HSDL2: variants seen among roughly 807,000 people sequenced by gnomAD.
HSDL2 encodes hydroxysteroid dehydrogenase-like protein 2.
Under a neutral mutation model 46.3 loss-of-function variants are expected in HSDL2, and 27 were observed. The observed-to-expected ratio is 0.58, with a 90% CI of 0.43 to 0.80. The LOEUF (loss-of-function observed/expected upper bound fraction) is 0.80. Among genes scored for constraint, HSDL2 ranks in the 30% least tolerant of loss-of-function variants. The pLI, the probability that HSDL2 is intolerant of heterozygous loss-of-function variation, is 0.00. For missense variants in HSDL2, 451 were observed against 502.7 expected (o/e 0.90, Z 0.98); for synonymous variants, 153 against 163.6 (o/e 0.94, Z 0.50).
At chr9:112,445,425 T>G (rs1332692027) in intron 8 of HSDL2, among the ~76,000 whole-genome samples, 8 of 152,212 alleles carry the variant, frequency 5.3e-5, no homozygotes, top group African/African-American at 1.9e-4. Flanking sequence ...GTTAATTTGC[T>G]ATGGTGCTCA....
chr9:112,450,960 G>C (rs750164009), intron 8 of HSDL2, among the ~76,000 whole-genome samples: 4 of 152,016 alleles, frequency 2.6e-5, no homozygotes, highest in Non-Finnish European at 4.4e-5. Context: ...CCCAATCATG[G>C]GTGGCTGAGG....
At chr9:112,420,073 G>T (rs2132645006) in intron 6 of HSDL2, among the ~76,000 whole-genome samples, 1 of 152,288 alleles carries the variant, frequency 6.6e-6, no homozygotes, top group Middle Eastern at 3.4e-3. Flanking sequence ...TGTGGTTACA[G>T]ATGGCTCATG....
rs553916560 is a variant in HSDL2, at chr9:112,430,850, C to T, written c.599-7581C>T. Among the ~76,000 whole-genome samples, 29 of 151,932 alleles carry T rather than the reference C, an allele frequency of 1.9e-4. No individual in the cohort carries two copies. The East Asian group carries it at 1.9e-3, about 10-fold the overall frequency. Reference sequence around the variant, plus strand: ...GGTGAATCACCTGAGGTCAAGAGTTCGAGACCAGCCTGGCCAACATGGTGA... The same window carrying T: ...GGTGAATCACCTGAGGTCAAGAGTTTGAGACCAGCCTGGCCAACATGGTGA... On this transcript the variant is annotated intron_variant, in intron 6 of 10. Transcript: ENST00000398805.
intron 1 of HSDL2, among the ~76,000 whole-genome samples, chr9:112,391,021 C>A (rs1274594250): frequency 6.6e-6 from 1 of 151,694 alleles, no homozygotes; most frequent in Non-Finnish European, 1.5e-5. Flanking sequence ...ACTAAAAATA[C>A]AAAAATTAGC....
At chr9:112,385,608 T>C (rs1397440403) in intron 1 of HSDL2, among the ~76,000 whole-genome samples, 9 of 150,812 alleles carry the variant, frequency 6.0e-5, no homozygotes, top group Non-Finnish European at 8.8e-5. Flanking sequence ...TGCTTCAGCC[T>C]CCCGAGTAGC....
intron 8 of HSDL2, among the ~76,000 whole-genome samples, chr9:112,446,852 T>C (rs1832769120): frequency 6.6e-6 from 1 of 152,214 alleles, no homozygotes; most frequent in African/African-American, 2.4e-5. Flanking sequence ...ACATTGAGTG[T>C]GTCTTGAAAA....
intron 1 of HSDL2, among the ~76,000 whole-genome samples, chr9:112,380,654 C>G (rs987074974): frequency 2.0e-5 from 3 of 151,954 alleles, no homozygotes; most frequent in Non-Finnish European, 4.4e-5. Flanking sequence ...ACATGGGTAT[C>G]TTTGGGGGAT....
rs986067682 is a variant in HSDL2 at position 112,471,182 on chromosome 9, A to G, written c.*638A>G. On this transcript the variant is annotated 3_prime_UTR_variant, in exon 11 of 11. Transcript: ENST00000398805. ...AAATATGTTTAAATTGTCCTAAAAC[A>G]AAATAATTTTCTCCCTAGGAGTATG... The G allele has an allele frequency of 1.3e-5, 2 of 152,278 alleles. No homozygotes were observed. Among genetic ancestry groups the G allele is most frequent in the Admixed American group, 6.5e-5 (1 of 15,288 alleles). The allele number at this position is 152,278 out of a possible 1,614,324, so 9.4% of individuals were successfully genotyped here. A position where few individuals can be genotyped will look rare whatever the true frequency, so the allele number is the denominator to read the frequency against.
chr9:112,468,381 A>G (rs1330923663), intron 10 of HSDL2, among the ~76,000 whole-genome samples: 2 of 152,168 alleles, frequency 1.3e-5, no homozygotes, highest in Non-Finnish European at 2.9e-5. Context: ...CCTATTACAC[A>G]TATATTTGTA....
chr9:112,423,333 T>C lies in HSDL2; in HGVS notation c.598+4375T>C, dbSNP rs75334894. Among the ~76,000 whole-genome samples the C allele has an allele frequency of 2.3e-3, 346 of 152,312 alleles. 1 individual carries two copies. Among genetic ancestry groups the C allele is most frequent in the African/African-American group, 7.8e-3 (325 of 41,584 alleles). ...GGGGAAGAGGGAAATGTGGAAGTCA[T>C]TGAATTCTTTTCTTTTCTTTTTTTT... On this transcript the variant is annotated intron_variant, in intron 6 of 10. Transcript: ENST00000398805.
intron 1 of HSDL2, among the ~76,000 whole-genome samples, chr9:112,386,111 G>T (rs1454004450): frequency 6.6e-6 from 1 of 151,476 alleles, no homozygotes; most frequent in Non-Finnish European, 1.5e-5. Flanking sequence ...GTAAAGGTGG[G>T]GTCTCACTAT....
At chr9:112,423,455 G>T (rs1288694758) in intron 6 of HSDL2, among the ~76,000 whole-genome samples, 1 of 151,254 alleles carries the variant, frequency 6.6e-6, no homozygotes, top group Admixed American at 6.6e-5. Flanking sequence ...GTTTACAGGC[G>T]TTTGCCACCA....
At chr9:112,428,306 C>T (rs1246188316) in intron 6 of HSDL2, among the ~76,000 whole-genome samples, 1 of 152,242 alleles carries the variant, frequency 6.6e-6, no homozygotes, top group African/African-American at 2.4e-5. Context: ...TTGACCAAGA[C>T]TCCTTTCTTC....
At chr9:112,440,562 A>T (rs1282194017) in intron 7 of HSDL2, among the ~76,000 whole-genome samples, 1 of 152,186 alleles carries the variant, frequency 6.6e-6, no homozygotes, top group East Asian at 1.9e-4. Flanking sequence ...GCTAACCACA[A>T]CCATTAGCTG....
At chr9:112,469,920 A>G (rs1267053525) in intron 10 of HSDL2, 1 of 152,342 alleles carries the variant, frequency 6.6e-6, no homozygotes, top group African/African-American at 2.4e-5. Flanking sequence ...GTACAATTCT[A>G]TTTTAATGCT....
intron 7 of HSDL2, among the ~76,000 whole-genome samples, chr9:112,439,721 T>C (rs928461246): frequency 6.6e-6 from 1 of 152,260 alleles, no homozygotes; most frequent in Non-Finnish European, 1.5e-5. Flanking sequence ...AGCACTCTTA[T>C]ATGCATTATC....
chr9:112,448,614 T>C (rs11789536), intron 8 of HSDL2, among the ~76,000 whole-genome samples: 145,429 of 152,166 alleles, frequency 0.96, 69,561 homozygotes, highest in African/African-American at 0.98. Flanking sequence ...AGCGGCATTT[T>C]CTTCTTGGCT....
rs1833138209 is a variant in HSDL2 at position 112,459,476 on chromosome 9, A to T, written c.1043A>T (p.Asp348Val). Reference protein sequence around the residue: ...SGEDGGTWFLDLKSKGGNVGY... With the variant: ...SGEDGGTWFLVLKSKGGNVGY... ...GAAGATGGTGGCACGTGGTTTCTTG[A>T]TCTGAAAAGCAAGGGTGGGAATGTC... The change falls in exon 10 of 11, where the codon GAT becomes GTT. Residue 348 changes from aspartate to valine, a missense_variant. By Grantham distance (152) the Asp-to-Val change is radical. Transcript: ENST00000398805. The T allele has an allele frequency of 6.2e-7, 1 of 1,613,874 alleles. No homozygotes were observed. Among genetic ancestry groups the T allele is most frequent in the Non-Finnish European group, 8.5e-7 (1 of 1,179,900 alleles).
intron 4 of HSDL2, among the ~76,000 whole-genome samples, chr9:112,414,674 G>A (rs1408544327): frequency 2.0e-5 from 3 of 152,156 alleles, no homozygotes; most frequent in Admixed American, 6.6e-5. Flanking sequence ...TACTGGAGTA[G>A]ATTTAGTTTG....
Sources: allele counts gnomAD v4.1 joint callset (sites outside exome capture counted in the v4.1 genomes callset), GRCh38; gene constraint gnomAD v4.1.1; transcripts MANE v1.5; gene names NCBI Gene and HGNC (gene_info 2026-07-23, HGNC 2026-07-21).